The following COL4A4 variants were observed in gnomAD, a reference collection of about 807,000 sequenced individuals.
COL4A4 encodes the protein collagen type IV alpha 4 chain.
A neutral mutation model predicts 192.9 loss-of-function variants in COL4A4; 105 were observed. The observed-to-expected ratio is 0.54, with a 90% confidence interval of 0.46 to 0.64. COL4A4 has a LOEUF of 0.64. Among genes scored for constraint, COL4A4 ranks in the 30% least tolerant of loss-of-function variants. The probability of loss-of-function intolerance (pLI) is 0.00; values close to 1 mark genes in which losing one functional copy is unlikely to be tolerated. For missense variants in COL4A4, 1,967 were observed against 2,169.3 expected (o/e 0.91, Z 1.85); for synonymous variants, 762 against 769.9 (o/e 0.99, Z 0.17).
At chr2:227,069,351 G>A (rs1022508810) in intron 25 of COL4A4, among the ~76,000 whole-genome samples, 1 of 152,052 alleles carries the variant, frequency 6.6e-6, no homozygotes, top group South Asian at 2.1e-4. Flanking sequence ...TTTCTTCACA[G>A]AATTGGAAAA....
At chr2:226,979,622 C>T in the COL4A4 span, among the ~76,000 whole-genome samples, 1 of 152,332 alleles carries the variant, frequency 6.6e-6, no homozygotes, top group East Asian at 1.9e-4. Flanking sequence ...CAAGAAGACT[C>T]AGCAGGCTGG....
chr2:227,008,286 A>G lies in COL4A4; in HGVS notation c.4541T>C (p.Leu1514Pro). The G allele has an allele frequency of 1.9e-6, 3 of 1,614,248 alleles. No individual in the cohort carries two copies. Among genetic ancestry groups the G allele is most frequent in the Non-Finnish European group, 2.5e-6 (3 of 1,180,048 alleles). ...NQDLGLAGSCLPVFSTLPFAY... is the reference protein window; with the variant it reads ...NQDLGLAGSCPPVFSTLPFAY... The stretch of plus-strand genomic sequence containing the variant: ...AAAGGGCAGCGTGCTAAATACGGGA[A>G]GGCAAGACCCTGCCAGACCTTGGGA... The change falls in exon 47 of 48, where the codon CTT (leucine) becomes CCT (proline). Residue 1514 changes from leucine to proline, a missense_variant. Transcript: ENST00000396625.
rs566007089 is a variant in COL4A4 at position 227,102,983 on chromosome 2, A to G, written c.871-135T>C. The G allele has an allele frequency of 3.7e-5, 42 of 1,126,258 alleles. No individual in the cohort carries two copies. The African/African-American group carries it at 5.9e-4, about 16-fold the overall frequency. 69.8% of individuals were successfully genotyped at this position (1,126,258 alleles called of 1,614,324 possible). ...TGTCAGCAGCTTAAAGAAAACAACT[A>G]CTTTAGAATAGAAGCTCTATAGTAT... On this transcript the variant is annotated intron_variant, in intron 14 of 47. Coordinates refer to ENST00000396625, the MANE Select transcript of COL4A4 (RefSeq NM_000092.5).
chr2:226,980,913 T>A, the COL4A4 span, among the ~76,000 whole-genome samples: 1 of 152,322 alleles, frequency 6.6e-6, no homozygotes, highest in East Asian at 1.9e-4. Flanking sequence ...AATAACTCAT[T>A]TTTTGTTGTT....
chr2:227,135,441 A>G (rs936627761), intron 4 of COL4A4, among the ~76,000 whole-genome samples: 1 of 152,188 alleles, frequency 6.6e-6, no homozygotes. Context: ...GAAATTCACA[A>G]GGGAATTTGA....
chr2:227,030,334 T>A (rs959301628), intron 41 of COL4A4, 109 bp downstream of exon 41: 7 of 1,204,428 alleles, frequency 5.8e-6, no homozygotes, highest in Non-Finnish European at 6.1e-6. Flanking sequence ...TTTTGGAAGG[T>A]AGTCACTTTG....
chr2:227,034,139 C>T (rs1403221382), intron 37 of COL4A4, among the ~76,000 whole-genome samples: 1 of 152,226 alleles, frequency 6.6e-6, no homozygotes, highest in Non-Finnish European at 1.5e-5. Context: ...CAGACATTAC[C>T]CCACTGATGC....
chr2:227,010,543 T>G (rs1963442527), intron 45 of COL4A4, 42 bp from the exon 46 acceptor site: 2 of 1,465,606 alleles, frequency 1.4e-6, no homozygotes, highest in Non-Finnish European at 1.8e-6. Flanking sequence ...GGTTAGGGGG[T>G]TTGGTTTAAC....
intron 44 of COL4A4, among the ~76,000 whole-genome samples, chr2:227,014,666 A>G (rs557316610): frequency 2.0e-5 from 3 of 152,140 alleles, no homozygotes; most frequent in Non-Finnish European, 4.4e-5. Context: ...AGAGTTATGA[A>G]CATATGTCAT....
At position 227,104,070 on chromosome 2, in the gene COL4A4, G is replaced by A. The variant is rs369779489; in HGVS notation, c.736-18C>T. ...ACCTCACCCTTAAAAAAAAAAGCAA[G>A]ATAATGAAAATTTCATATTAATTTA... is the stretch of plus-strand genomic sequence containing the variant. On this transcript the variant is annotated intron_variant, in intron 12 of 47. Transcript: ENST00000396625. The A allele has an allele frequency of 1.3e-5, 21 of 1,601,876 alleles. No individual in the cohort carries two copies. Among genetic ancestry groups the A allele is most frequent in the Non-Finnish European group, 1.8e-5 (21 of 1,171,432 alleles).
intron 37 of COL4A4, among the ~76,000 whole-genome samples, chr2:227,034,947 T>G (rs1315675579): frequency 1.3e-5 from 2 of 152,116 alleles, no homozygotes; most frequent in African/African-American, 2.4e-5. Context: ...AGCCTCTCGG[T>G]GCACAGCCAG....
intron 4 of COL4A4, 102 bp downstream of exon 4, chr2:227,140,059 G>T: frequency 1.0e-6 from 1 of 961,740 alleles, no homozygotes; most frequent in Non-Finnish European, 1.7e-6. Flanking sequence ...AAACATTATC[G>T]AGGACTAAAA....
rs191931925 is a variant in COL4A4 at position 227,094,384 on chromosome 2, C to T, written c.1205-95G>A. On this transcript the variant is annotated intron_variant, in intron 19 of 47. Coordinates refer to ENST00000396625, the MANE Select transcript of COL4A4 (RefSeq NM_000092.5). Reference sequence around the variant, plus strand: ...ATTGGTACACACTTGCTTAGGTTATCGAATTTTTTAAAGGGAAAGAGACGG... The same window carrying T: ...ATTGGTACACACTTGCTTAGGTTATTGAATTTTTTAAAGGGAAAGAGACGG... The T allele has an allele frequency of 9.8e-6, 13 of 1,319,834 alleles. No individual in the cohort carries two copies. The East Asian group carries it at 2.8e-4, about 28-fold the overall frequency. The allele number at this position is 1,319,834 out of a possible 1,614,324, so 81.8% of individuals were successfully genotyped here.
intron 17 of COL4A4, among the ~76,000 whole-genome samples, 163 bp from the exon 18 acceptor site, chr2:227,099,852 A>G (rs985358424): frequency 6.6e-6 from 1 of 152,238 alleles, no homozygotes; most frequent in African/African-American, 2.4e-5. Context: ...GGAGCAGCAA[A>G]GATGCATCTA....
rs763215079 is a variant in COL4A4 at position 227,027,793 on chromosome 2, G to A, written c.4081+109C>T. The A allele has an allele frequency of 7.1e-6, 6 of 844,760 alleles. No individual in the cohort carries two copies. In the South Asian group the frequency reaches 8.1e-5, roughly 11 times the overall value. 52.3% of individuals were successfully genotyped at this position (844,760 alleles called of 1,614,324 possible). On this transcript the variant is annotated intron_variant, in intron 42 of 47. Transcript: ENST00000396625. Reference sequence around the variant, plus strand: ...AATATACTCTTAATATAAGAAAAGGGCTTAAATAATAAGAATGTGCTAGTA... The same window carrying A: ...AATATACTCTTAATATAAGAAAAGGACTTAAATAATAAGAATGTGCTAGTA...
chr2:227,154,801 T>G (rs144165501), intron 1 of COL4A4, among the ~76,000 whole-genome samples: 1 of 152,344 alleles, frequency 6.6e-6, no homozygotes, highest in East Asian at 1.9e-4. Flanking sequence ...CTTATTCACA[T>G]CCATCTACCT....
the COL4A4 span, among the ~76,000 whole-genome samples, chr2:226,993,490 T>C: frequency 6.6e-6 from 1 of 152,224 alleles, no homozygotes; most frequent in Admixed American, 6.5e-5. Context: ...TAAAACAGTT[T>C]TAAGCAATCA....
intron 37 of COL4A4, among the ~76,000 whole-genome samples, chr2:227,039,754 T>C (rs550922369): frequency 6.6e-6 from 1 of 152,324 alleles, no homozygotes; most frequent in South Asian, 2.1e-4. Flanking sequence ...TGTCAAAGAA[T>C]ACGCCATGAA....
intron 9 of COL4A4, among the ~76,000 whole-genome samples, chr2:227,110,823 T>G (rs1254242855): frequency 6.6e-6 from 1 of 151,354 alleles, no homozygotes; most frequent in African/African-American, 2.4e-5. Context: ...GCTGGGATTG[T>G]AGGTACGCGC....
Sources: allele counts gnomAD v4.1 joint callset (sites outside exome capture counted in the v4.1 genomes callset), GRCh38; gene constraint gnomAD v4.1.1; transcripts MANE v1.5; gene names NCBI Gene and HGNC (gene_info 2026-07-23, HGNC 2026-07-21).